MACROD1: variants seen among roughly 807,000 people sequenced by gnomAD.
The protein encoded by MACROD1 is mono-ADP ribosylhydrolase 1, also known as ADP-ribose glycohydrolase MACROD1.
Under a neutral mutation model 41.4 loss-of-function variants are expected in MACROD1, and 31 were observed. The ratio of observed to expected loss-of-function variants is 0.75; its 90% CI spans 0.56 to 1.01. The LOEUF (loss-of-function observed/expected upper bound fraction) is 1.01, where lower values mean the gene tolerates loss of function less well. MACROD1 is among the 50% of genes least tolerant of loss of function. The probability of loss-of-function intolerance (pLI) is 0.00; values close to 1 mark genes in which losing one functional copy is unlikely to be tolerated. For synonymous variants in MACROD1, 252 were observed against 203.4 expected (o/e 1.24, Z -2.03); for missense variants, 473 against 460.0 (o/e 1.03, Z -0.26).
chr11:64,078,744 G>A (rs1944249725), intron 3 of MACROD1, among the ~76,000 whole-genome samples: 2 of 152,078 alleles, frequency 1.3e-5, no homozygotes, highest in Admixed American at 1.3e-4. Context: ...CCCCAAGCTG[G>A]GGAGACAGGC....
At chr11:64,117,079 A>T (rs1944999347) in intron 3 of MACROD1, 1 of 1,602,574 alleles carries the variant, frequency 6.2e-7, no homozygotes, top group Admixed American at 1.7e-5. Context: ...CCCAGCGCCC[A>T]CCTGCAGAAG....
chr11:64,063,608 G>A (rs1943943604), intron 3 of MACROD1, among the ~76,000 whole-genome samples: 2 of 152,190 alleles, frequency 1.3e-5, no homozygotes, highest in African/African-American at 2.4e-5. Flanking sequence ...TGAAGCTCAC[G>A]TAGGAATGAA....
chr11:64,028,029 G>C (rs1943243546), intron 3 of MACROD1, among the ~76,000 whole-genome samples: 2 of 152,280 alleles, frequency 1.3e-5, no homozygotes, highest in South Asian at 4.2e-4. Flanking sequence ...CTGCCTGCCG[G>C]GCACCCGCCA....
intron 3 of MACROD1, among the ~76,000 whole-genome samples, chr11:64,033,357 G>A (rs1239601381): frequency 6.6e-6 from 1 of 152,128 alleles, no homozygotes; most frequent in Non-Finnish European, 1.5e-5. Context: ...TCAGCTTTGT[G>A]GAATATCGTG....
chr11:64,052,634 G>A (rs1590842764), intron 3 of MACROD1, among the ~76,000 whole-genome samples: 1 of 152,196 alleles, frequency 6.6e-6, no homozygotes, highest in African/African-American at 2.4e-5. Context: ...TCCAGGGAGG[G>A]CCCACCTGGG....
At chr11:64,091,588 T>C (rs554260995) in intron 3 of MACROD1, among the ~76,000 whole-genome samples, 1 of 152,042 alleles carries the variant, frequency 6.6e-6, no homozygotes, top group African/African-American at 2.4e-5. Flanking sequence ...CAGCACCTCC[T>C]GGAGTCCTTG....
At chr11:64,154,283 T>C (rs1945631483) in intron 1 of MACROD1, among the ~76,000 whole-genome samples, 1 of 152,146 alleles carries the variant, frequency 6.6e-6, no homozygotes, top group East Asian at 1.9e-4. Flanking sequence ...AAAACGTCAT[T>C]TTTTTGTTGC....
rs556034191 is a variant in MACROD1, at chr11:64,120,221, G to A, written c.517+31018C>T. Among the ~76,000 whole-genome samples, 1 of 152,204 alleles carries A rather than the reference G, an allele frequency of 6.6e-6. No individual in the cohort carries two copies. The highest frequency in any genetic ancestry group is 1.9e-4 in the East Asian group (1 of 5,194). On this transcript the variant is annotated intron_variant, in intron 3 of 10. Coordinates refer to ENST00000255681, the MANE Select transcript of MACROD1 (RefSeq NM_014067.4). This position sits in a 1 kb window ranked among gnomAD's most constrained non-coding sequence, Gnocchi z 4.5. The stretch of plus-strand genomic sequence containing the variant: ...GGCACAGGCTCCCAGCACGGCCTGG[G>A]GGGGCTAGCCCACGAAATAGGTCCA...
chr11:64,072,397 TAGA>T (rs1179337643), intron 3 of MACROD1, among the ~76,000 whole-genome samples: 2 of 151,846 alleles, frequency 1.3e-5, no homozygotes, highest in East Asian at 1.9e-4. Flanking sequence ...AAGCCAAAAT[TAGA>T]AGGTCAGCTG....
At chr11:64,048,063 C>T (rs911725741) in intron 3 of MACROD1, among the ~76,000 whole-genome samples, 19 of 152,174 alleles carry the variant, frequency 1.2e-4, no homozygotes, top group African/African-American at 4.1e-4. Flanking sequence ...GCCTGAGGCC[C>T]AGCCTGGCTC....
chr11:64,094,572 T>C (rs1478005194), intron 3 of MACROD1, among the ~76,000 whole-genome samples: 1 of 152,110 alleles, frequency 6.6e-6, no homozygotes, highest in Non-Finnish European at 1.5e-5. Flanking sequence ...GAGTCATCCA[T>C]CCCTGCCCCT....
At chr11:64,140,169 C>A (rs535819944) in intron 3 of MACROD1, among the ~76,000 whole-genome samples, 1 of 152,344 alleles carries the variant, frequency 6.6e-6, no homozygotes, top group Non-Finnish European at 1.5e-5. Context: ...CAGGCCCTGA[C>A]AGGGCCACTT....
chr11:64,135,742 T>C (rs1257990747), intron 3 of MACROD1, among the ~76,000 whole-genome samples: 5 of 152,008 alleles, frequency 3.3e-5, no homozygotes, highest in African/African-American at 1.2e-4. Context: ...AGGTGGTAAA[T>C]GGCCACCCAG....
chr11:64,158,288 C>T (rs1442424082), intron 1 of MACROD1, among the ~76,000 whole-genome samples: 3 of 152,176 alleles, frequency 2.0e-5, no homozygotes, highest in African/African-American at 2.4e-5. Flanking sequence ...AGTGTCACCA[C>T]GGCCAGCACA....
rs1339270546 is a variant in MACROD1, at chr11:63,999,021, T to C, written c.907A>G (p.Ile303Val). The change falls in exon 9 of 11, where the codon ATC becomes GTC. Residue 303 changes from isoleucine to valine, a missense_variant. Transcript: ENST00000255681. ...TCGTCCTTCTCGAGGAACACGCAGATGATCAGCCGGTCCACCTGCGCCAGG... is the reference window on the plus strand; with the variant it reads ...TCGTCCTTCTCGAGGAACACGCAGACGATCAGCCGGTCCACCTGCGCCAGG... ...QHKDKVDRLI[I>V]CVFLEKDEDI... The C allele has an allele frequency of 1.9e-6, 3 of 1,606,240 alleles. No individual in the cohort carries two copies. The highest frequency in any genetic ancestry group is 2.5e-6 in the Non-Finnish European group (3 of 1,177,122).
Position 64,117,656 on chromosome 11 carries a change from T to C in MACROD1, c.517+33583A>G, listed in dbSNP as rs1392624005. ...GGAAGGCCACGCTCCCCGCCTCCTC[T>C]TTCCGGCTCAGTTGGCTGCGCCTGG... is the stretch of plus-strand genomic sequence containing the variant. On this transcript the variant is annotated intron_variant, in intron 3 of 10. Coordinates refer to ENST00000255681, the MANE Select transcript of MACROD1 (RefSeq NM_014067.4). 5.6e-6 allele frequency: 9 copies of C among 1,613,640 alleles called. No individual in the cohort carries two copies. In the Admixed American group the frequency reaches 1.3e-4, roughly 24 times the overall value.
rs71468654 is a variant in MACROD1, at chr11:64,163,122, AAAACAAACAAAC to A, written c.298+2563_298+2574del. ...GGCAACAGAATAAGTCTTCATCTAA[AAAACAAACAAAC>A]AAACAAACAAACAAACAAAAATTAG... On this transcript the variant is annotated intron_variant, in intron 1 of 10. Coordinates refer to ENST00000255681, the MANE Select transcript of MACROD1 (RefSeq NM_014067.4). Among the ~76,000 whole-genome samples, 5 of 145,382 alleles carry A rather than the reference AAAACAAACAAAC, an allele frequency of 3.4e-5. No homozygotes were observed. The East Asian group carries it at 1.0e-3, about 30-fold the overall frequency.
chr11:64,114,822 A>G (rs1944946930), intron 3 of MACROD1, among the ~76,000 whole-genome samples: 1 of 152,186 alleles, frequency 6.6e-6, no homozygotes, highest in Admixed American at 6.5e-5. Flanking sequence ...GGATGGGCAG[A>G]GCAGAGGGAA....
At chr11:64,070,918 C>T (rs879624155) in intron 3 of MACROD1, among the ~76,000 whole-genome samples, 1 of 152,156 alleles carries the variant, frequency 6.6e-6, no homozygotes, top group Non-Finnish European at 1.5e-5. Context: ...CATGGGTCCA[C>T]ATCTTCTAGG....
Sources: allele counts gnomAD v4.1 joint callset (sites outside exome capture counted in the v4.1 genomes callset), GRCh38; gene constraint gnomAD v4.1.1; non-coding constraint Gnocchi (gnomAD v3.1); transcripts MANE v1.5; gene names NCBI Gene and HGNC (gene_info 2026-07-23, HGNC 2026-07-21).